Variants in TBC1D5 observed in about 807,000 individuals in gnomAD.
TBC1D5 encodes TBC1 domain family, member 5.
A neutral mutation model predicts 100.3 loss-of-function variants in TBC1D5; 75 were observed. The ratio of observed to expected loss-of-function variants is 0.75; its 90% confidence interval spans 0.62 to 0.91. The LOEUF is 0.91. Among genes scored for constraint, TBC1D5 ranks in the 40% least tolerant of loss-of-function variants. The pLI, the probability that TBC1D5 is intolerant of heterozygous loss-of-function variation, is 0.00. For missense variants in TBC1D5, 910 were observed against 942.4 expected, an observed-to-expected ratio of 0.97 and a Z score of 0.45; for synonymous variants, 323 against 325.6, an observed-to-expected ratio of 0.99 and a Z score of 0.09.
chr3:17,565,457 G>T (rs2096587568), intron 2 of TBC1D5, among the ~76,000 whole-genome samples: 1 of 152,044 alleles, frequency 6.6e-6, no homozygotes, highest in African/African-American at 2.4e-5. Context: ...TTTGGAAAAG[G>T]TAAATATATA....
At chr3:17,233,707 G>C (rs2075623548) in intron 17 of TBC1D5, 11 of 1,544,072 alleles carry the variant, frequency 7.1e-6, no homozygotes, top group Non-Finnish European at 9.6e-6. Context: ...TTAGAGTCTG[G>C]ACAGGAACAG....
At chr3:17,631,149 T>G (rs558265586) in intron 1 of TBC1D5, among the ~76,000 whole-genome samples, 1 of 151,272 alleles carries the variant, frequency 6.6e-6, no homozygotes, top group Non-Finnish European at 1.5e-5. Flanking sequence ...AATGAACACA[T>G]GAATGTTAAG....
At chr3:17,196,636 C>T (rs1227214770) in intron 18 of TBC1D5, among the ~76,000 whole-genome samples, 2 of 152,182 alleles carry the variant, frequency 1.3e-5, no homozygotes, top group African/African-American at 2.4e-5. Flanking sequence ...CAGACATACA[C>T]GATGCACACG....
intron 2 of TBC1D5, among the ~76,000 whole-genome samples, chr3:17,603,669 C>T (rs1327518429): frequency 1.3e-5 from 2 of 151,976 alleles, no homozygotes; most frequent in African/African-American, 2.4e-5. Context: ...TTTATTCTGC[C>T]GGCGGCGGGG....
intron 13 of TBC1D5, among the ~76,000 whole-genome samples, chr3:17,357,974 A>G (rs1032752238): frequency 6.6e-6 from 1 of 152,220 alleles, no homozygotes; most frequent in Non-Finnish European, 1.5e-5. Context: ...CTTGTAATAT[A>G]TACCAAGCAA....
chr3:17,365,610 A>G (rs965528443), intron 13 of TBC1D5, among the ~76,000 whole-genome samples: 4 of 152,284 alleles, frequency 2.6e-5, no homozygotes, highest in Admixed American at 2.0e-4. Flanking sequence ...GAGCTCATTT[A>G]TTCCTGATTT....
intron 1 of TBC1D5, among the ~76,000 whole-genome samples, chr3:17,697,980 C>T (rs1165965439): frequency 1.3e-5 from 2 of 149,538 alleles, no homozygotes; most frequent in East Asian, 2.0e-4. Flanking sequence ...AGGTAATTTA[C>T]AGATTCAATG....
rs1443798468 is a variant in TBC1D5, at chr3:17,184,334, TTTATAAAAAAACAAAGAA to T, written c.1852+757_1852+774del. Reference sequence around the variant, plus strand: ...CAGGCAGGTGGTTAAAAAACACATTTTTATAAAAAAACAAAGAATTGTCAAAATAATAATCACATTAGT... The same window carrying T: ...CAGGCAGGTGGTTAAAAAACACATTTTTGTCAAAATAATAATCACATTAGT... On this transcript the variant is annotated intron_variant, in intron 19 of 21. Coordinates refer to ENST00000253692, the Ensembl canonical transcript of TBC1D5. 4.6e-5 allele frequency among the ~76,000 whole-genome samples: 7 copies of T among 152,150 alleles called. No individual in the cohort carries two copies. In the East Asian group the frequency reaches 1.2e-3, roughly 25 times the overall value.
At chr3:17,475,197 T>C (rs953540785) in intron 3 of TBC1D5, among the ~76,000 whole-genome samples, 1 of 151,126 alleles carries the variant, frequency 6.6e-6, no homozygotes, top group Admixed American at 6.6e-5. Context: ...CGTTTATATA[T>C]TCCCAAATCT....
chr3:17,742,563 C>G (rs900266720), upstream of TBC1D5: 2 of 152,506 alleles, frequency 1.3e-5, no homozygotes, highest in African/African-American at 2.4e-5. Context: ...CTCCCTCAGT[C>G]TGCAGGGCGC....
chr3:17,470,528 A>T (rs903841332), intron 3 of TBC1D5, among the ~76,000 whole-genome samples: 2 of 152,228 alleles, frequency 1.3e-5, no homozygotes, highest in Non-Finnish European at 2.9e-5. Context: ...TTGGTGTTAT[A>T]AAGAGCTTTA....
At chr3:17,635,435 C>T (rs1471415013) in intron 1 of TBC1D5, among the ~76,000 whole-genome samples, 3 of 152,154 alleles carry the variant, frequency 2.0e-5, no homozygotes, top group African/African-American at 7.2e-5. Flanking sequence ...AATCCCACCA[C>T]TTTGGGAGGC....
chr3:17,534,355 T>G lies in TBC1D5; in HGVS notation c.-35-25750A>C, dbSNP rs375285000. On this transcript the variant is annotated intron_variant, in intron 2 of 21. Coordinates refer to ENST00000253692, the Ensembl canonical transcript of TBC1D5. ...AAGATACTTCTCAGGTTGGCAAGCA[T>G]GTGTGCTACCTAAATCTTATTGAAT... Among the ~76,000 whole-genome samples the G allele has an allele frequency of 1.2e-3, 178 of 152,314 alleles. 5 individuals carry two copies. In the South Asian group the frequency reaches 0.035, roughly 30 times the overall value.
chr3:17,706,722 A>G (rs2074218741), intron 1 of TBC1D5, among the ~76,000 whole-genome samples: 1 of 152,006 alleles, frequency 6.6e-6, no homozygotes, highest in Admixed American at 6.6e-5. Context: ...GCATAATTAT[A>G]TATTTGAGTT....
intron 2 of TBC1D5, among the ~76,000 whole-genome samples, chr3:17,596,020 G>T (rs914045224): frequency 1.3e-5 from 2 of 152,176 alleles, no homozygotes; most frequent in African/African-American, 4.8e-5. Context: ...GCTATTCACA[G>T]ATCTCATTGT....
chr3:17,565,488 A>G (rs930965407), intron 2 of TBC1D5, among the ~76,000 whole-genome samples: 1 of 152,140 alleles, frequency 6.6e-6, no homozygotes, highest in African/African-American at 2.4e-5. Context: ...TATTGAAATA[A>G]AAGTCTTTCC....
intron 1 of TBC1D5, among the ~76,000 whole-genome samples, chr3:17,637,183 G>A (rs1316845240): frequency 7.6e-6 from 1 of 132,196 alleles, no homozygotes; most frequent in African/African-American, 2.9e-5. Context: ...CACCATGCCC[G>A]ACTAATTTTT....
At chr3:17,418,113 T>A (rs928761990) in intron 4 of TBC1D5, among the ~76,000 whole-genome samples, 1 of 152,190 alleles carries the variant, frequency 6.6e-6, no homozygotes, top group Non-Finnish European at 1.5e-5. Context: ...TATGTTCAGA[T>A]ACAAGGACAT....
intron 16 of TBC1D5, among the ~76,000 whole-genome samples, chr3:17,240,984 A>G (rs1461320202): frequency 5.3e-5 from 8 of 152,158 alleles, no homozygotes; most frequent in African/African-American, 1.7e-4. Flanking sequence ...TTAAAAGGGG[A>G]TGAGCACTGT....
Sources: allele counts gnomAD v4.1 joint callset (sites outside exome capture counted in the v4.1 genomes callset), GRCh38; gene constraint gnomAD v4.1.1; transcripts MANE v1.5; gene names NCBI Gene and HGNC (gene_info 2026-07-23, HGNC 2026-07-21).